The following TOM1L1 variants were observed in gnomAD, a reference collection of about 807,000 sequenced individuals.
The protein encoded by TOM1L1 is TOM1-like protein 1.
A neutral mutation model predicts 63.4 loss-of-function variants in TOM1L1; 64 were observed. The ratio of observed to expected loss-of-function variants is 1.01; its 90% CI spans 0.83 to 1.24. The LOEUF (loss-of-function observed/expected upper bound fraction) is 1.24, where lower values mean the gene tolerates loss of function less well. TOM1L1 is among the 50% of genes most tolerant of loss of function. TOM1L1 has a pLI of 0.00. For missense variants in TOM1L1, 536 were observed against 567.0 expected (o/e 0.95, Z 0.55); for synonymous variants, 166 against 194.4 (o/e 0.85, Z 1.22).
At chr17:54,907,501 G>A (rs2048431171) in intron 3 of TOM1L1, among the ~76,000 whole-genome samples, 1 of 152,190 alleles carries the variant, frequency 6.6e-6, no homozygotes, top group Non-Finnish European at 1.5e-5. Flanking sequence ...CCTCTTAAAA[G>A]AGTAGGCTAC....
At chr17:54,947,695 TCTC>T (rs1201057450) in intron 12 of TOM1L1, among the ~76,000 whole-genome samples, 2 of 152,190 alleles carry the variant, frequency 1.3e-5, no homozygotes, top group African/African-American at 2.4e-5. Context: ...CTTTGGTTCT[TCTC>T]CTGCCTCACG....
chr17:54,910,645 TAATC>T (rs1214327252), intron 3 of TOM1L1, among the ~76,000 whole-genome samples: 2 of 152,224 alleles, frequency 1.3e-5, no homozygotes, highest in African/African-American at 4.8e-5. Context: ...TTCATTATAA[TAATC>T]CATCAAGCTA....
At chr17:54,941,282 T>A (rs1221389579) in intron 11 of TOM1L1, among the ~76,000 whole-genome samples, 1 of 152,152 alleles carries the variant, frequency 6.6e-6, no homozygotes, top group East Asian at 1.9e-4. Flanking sequence ...ACCCAATCAC[T>A]GAATTACTTT....
chr17:54,914,796 A>C (rs1299561225), intron 6 of TOM1L1, 53 bp downstream of exon 6: 2 of 1,379,420 alleles, frequency 1.4e-6, no homozygotes, highest in African/African-American at 2.9e-5. Flanking sequence ...ATTTGTAAGC[A>C]CCTTATATAC....
chr17:54,960,375 A>G (rs2077088263), intron 14 of TOM1L1, among the ~76,000 whole-genome samples, 191 bp from the exon 15 acceptor site: 1 of 152,196 alleles, frequency 6.6e-6, no homozygotes, highest in Non-Finnish European at 1.5e-5. Context: ...AAAAAAAAAG[A>G]AAAAATGAAG....
At chr17:54,913,920 T>C (rs776706517) in intron 5 of TOM1L1, 47 bp downstream of exon 5, 1 of 1,562,046 alleles carries the variant, frequency 6.4e-7, no homozygotes, top group Admixed American at 1.9e-5. Flanking sequence ...AGTGTATCAC[T>C]TGGGTCTTTT....
chr17:54,903,779 A>C lies in TOM1L1; in HGVS notation c.130A>C (p.Thr44Pro), dbSNP rs1358746001. 1 of 1,614,036 alleles carries C rather than the reference A, an allele frequency of 6.2e-7. No individual in the cohort carries two copies. The highest frequency in any genetic ancestry group is 8.5e-7 in the Non-Finnish European group (1 of 1,179,978). ...QFMHICDIIN[T>P]TQDGPKDAVK... is the part of the protein sequence containing the mutation. Reference sequence around the variant, plus strand: ...CATGCACATCTGTGACATAATTAACACTACCCAGGATGGGTGAGTACAGCA... The same window carrying C: ...CATGCACATCTGTGACATAATTAACCCTACCCAGGATGGGTGAGTACAGCA... Residue 44 changes from threonine (T) to proline (P), a missense_variant, in exon 2 of 16, where the codon ACT becomes CCT. Coordinates refer to ENST00000575882, the MANE Select transcript of TOM1L1 (RefSeq NM_005486.3).
intron 1 of TOM1L1, among the ~76,000 whole-genome samples, chr17:54,902,505 G>T (rs1031454908): frequency 1.5e-4 from 23 of 152,124 alleles, no homozygotes; most frequent in African/African-American, 4.8e-4. Context: ...GGCCAGGCTG[G>T]TCTCGACCTC....
intron 12 of TOM1L1, among the ~76,000 whole-genome samples, chr17:54,948,864 T>A (rs1201172909): frequency 1.3e-5 from 2 of 152,240 alleles, no homozygotes; most frequent in East Asian, 1.9e-4. Context: ...TCTGTAGATT[T>A]AAATTTTTTT....
chr17:54,935,847 G>A (rs913558058), intron 8 of TOM1L1, among the ~76,000 whole-genome samples: 9 of 152,166 alleles, frequency 5.9e-5, no homozygotes, highest in African/African-American at 1.7e-4. Context: ...TGAAGGCCGG[G>A]CGCGGTGGCT....
intron 3 of TOM1L1, 60 bp downstream of exon 3, chr17:54,905,627 T>C: frequency 9.3e-7 from 1 of 1,079,824 alleles, no homozygotes; most frequent in Non-Finnish European, 1.4e-6. Flanking sequence ...GTTACATTTT[T>C]AATCCTGGGT....
intron 7 of TOM1L1, among the ~76,000 whole-genome samples, chr17:54,927,169 A>C (rs2048782751): frequency 6.6e-6 from 1 of 152,180 alleles, no homozygotes; most frequent in East Asian, 1.9e-4. Context: ...AGGTGGGGAG[A>C]GTATTTACTT....
intron 7 of TOM1L1, among the ~76,000 whole-genome samples, chr17:54,927,480 A>G (rs1216383492): frequency 6.6e-6 from 1 of 152,174 alleles, no homozygotes; most frequent in Non-Finnish European, 1.5e-5. Context: ...AGCCATCTGG[A>G]TATCAGAAGA....
chr17:54,903,804 A>G lies in TOM1L1; in HGVS notation c.143+12A>G. 3.1e-6 allele frequency: 5 copies of G among 1,608,846 alleles called. No homozygotes were observed. Among genetic ancestry groups the G allele is most frequent in the South Asian group, 1.1e-5 (1 of 90,514 alleles). On this transcript the variant is annotated intron_variant, in intron 2 of 15. Coordinates refer to ENST00000575882, the MANE Select transcript of TOM1L1 (RefSeq NM_005486.3). ...ACTACCCAGGATGGGTGAGTACAGC[A>G]TGGTTTCCATGTATTTGCCTCTGAC...
rs1270389053 is a variant in TOM1L1, at chr17:54,937,143, T to C, written c.950T>C (p.Leu317Pro). 1 of 1,613,494 alleles carries C rather than the reference T, an allele frequency of 6.2e-7. No homozygotes were observed. The highest frequency in any genetic ancestry group is 1.1e-5 in the South Asian group (1 of 91,040). ...GAGCCTTCTGCCCCATCTCAAGATC[T>C]CCTCGACCTAAGTCCCAGTCCCCGG... ...TSEPSAPSQD[L>P]LDLSPSPRMP... Residue 317 changes from leucine (L) to proline (P), a missense_variant, in exon 10 of 16, where the codon CTC (leucine) becomes CCC (proline). Coordinates refer to ENST00000575882, the MANE Select transcript of TOM1L1 (RefSeq NM_005486.3).
At chr17:54,937,547 A>G (rs895031665) in intron 10 of TOM1L1, 5 of 257,026 alleles carry the variant, frequency 1.9e-5, no homozygotes, top group Non-Finnish European at 3.8e-5. Context: ...CACTATTATC[A>G]TTGGGTTTTT....
intron 7 of TOM1L1, 79 bp from the exon 8 acceptor site, chr17:54,929,994 A>C: frequency 3.5e-4 from 509 of 1,460,616 alleles, no homozygotes; most frequent in Non-Finnish European, 4.3e-4. Flanking sequence ...GACTGTAGGT[A>C]TGCGCAGATT....
intron 3 of TOM1L1, chr17:54,906,630 A>G: frequency 2.5e-6 from 1 of 396,384 alleles, no homozygotes; most frequent in Non-Finnish European, 3.4e-6. Flanking sequence ...TAAATTCCAA[A>G]CAAGTTCTGC....
chr17:54,943,361 C>T (rs1213810578), intron 11 of TOM1L1, among the ~76,000 whole-genome samples: 1 of 148,850 alleles, frequency 6.7e-6, no homozygotes, highest in African/African-American at 2.5e-5. Flanking sequence ...TTTCCTTTTT[C>T]CTGCTTTCTT....
Sources: gnomAD v4.1 joint callset for allele counts (sites outside exome capture counted in the v4.1 genomes callset) on GRCh38, gnomAD v4.1.1 for gene constraint, MANE v1.5 for transcripts, NCBI Gene and HGNC (gene_info 2026-07-23, HGNC 2026-07-21) for gene names.